PRUNE2: variants seen among roughly 807,000 people sequenced by gnomAD.
PRUNE2 encodes prune homolog 2 with BCH domain.
PRUNE2 carries 164 observed loss-of-function variants against 252.0 expected under a neutral mutation model. The ratio of observed to expected loss-of-function variants is 0.65; its 90% CI spans 0.57 to 0.74. The LOEUF is 0.74. Ranked by LOEUF, PRUNE2 falls within the 30% of genes least tolerant of loss-of-function variation. The pLI is 0.00. For synonymous variants in PRUNE2, 1,292 were observed against 1,350.2 expected (o/e 0.96, Z 0.94); for missense variants, 3,495 against 3,711.0 (o/e 0.94, Z 1.51).
chr9:76,643,252 A>G (rs1166604537), intron 12 of PRUNE2, among the ~76,000 whole-genome samples: 2 of 152,158 alleles, frequency 1.3e-5, no homozygotes, highest in Admixed American at 6.5e-5. Flanking sequence ...CTTTCAACAC[A>G]GGGACTCTGC....
intron 6 of PRUNE2, among the ~76,000 whole-genome samples, chr9:76,801,997 T>C (rs1564335638): frequency 1.3e-5 from 2 of 152,170 alleles, no homozygotes; most frequent in South Asian, 2.1e-4. Context: ...TTAAACTCTG[T>C]GGGGTAAATA....
At chr9:76,839,232 C>G (rs11999931) in intron 4 of PRUNE2, among the ~76,000 whole-genome samples, 28,143 of 151,960 alleles carry the variant, frequency 0.19, 3,350 homozygotes, top group African/African-American at 0.32. Flanking sequence ...CCTTTTATGA[C>G]AGTGTTTATC....
At position 76,742,268 on chromosome 9, in the gene PRUNE2, A is replaced by G. The variant is rs546032486; in HGVS notation, c.757-28547T>C. 1.5e-4 allele frequency among the ~76,000 whole-genome samples: 23 copies of G among 152,322 alleles called. No homozygotes were observed. In the South Asian group the frequency reaches 4.6e-3, roughly 30 times the overall value. On this transcript the variant is annotated intron_variant, in intron 6 of 18. Coordinates refer to ENST00000376718, the MANE Select transcript of PRUNE2 (RefSeq NM_015225.3). ...ACTAGGAAAATTATCTGCAGTACTT[A>G]TGATAAACAAATATTAATCCTTAAC...
chr9:76,770,667 T>C (rs1402769825), intron 6 of PRUNE2, among the ~76,000 whole-genome samples: 2 of 152,162 alleles, frequency 1.3e-5, no homozygotes, highest in African/African-American at 4.8e-5. Context: ...ATTGCAACAA[T>C]TTGCAATAAA....
Position 76,711,206 on chromosome 9 carries a change from C to G in PRUNE2, c.1068G>C (p.Arg356Ser). ...VLVVKEVINR[R>S]CPEMVSNSRT... ...GGCTATTGGAGACCATCTCTGGACA[C>G]CTCCTGTTGATGACTTCCTTGACAA... The change falls in exon 8 of 19, where the codon AGG becomes AGC. Residue 356 changes from arginine (R) to serine (S), a missense_variant. Transcript: ENST00000376718. 1 of 1,613,926 alleles carries G rather than the reference C, an allele frequency of 6.2e-7. No homozygotes were observed. Among genetic ancestry groups the G allele is most frequent in the Non-Finnish European group, 8.5e-7 (1 of 1,179,864 alleles).
At chr9:76,623,120 C>T (rs1004846247) in intron 17 of PRUNE2, among the ~76,000 whole-genome samples, 1 of 152,144 alleles carries the variant, frequency 6.6e-6, no homozygotes, top group African/African-American at 2.4e-5. Context: ...TCTGCTTTTG[C>T]AATGTCTATT....
chr9:76,756,853 C>T lies in PRUNE2; in HGVS notation c.757-43132G>A, dbSNP rs988929860. On this transcript the variant is annotated intron_variant, in intron 6 of 18. Coordinates refer to ENST00000376718, the MANE Select transcript of PRUNE2 (RefSeq NM_015225.3). ...CCCCACCCACCCTGCCCGTGCCCTG[C>T]CCCCCCGTGATACTTAAACTGCAGT... 2.7e-5 allele frequency among the ~76,000 whole-genome samples: 4 copies of T among 148,846 alleles called. No individual in the cohort carries two copies. The South Asian group carries it at 6.4e-4, about 24-fold the overall frequency.
chr9:76,705,175 T>G lies in PRUNE2; in HGVS notation c.7099A>C (p.Arg2367=). 6.2e-7 allele frequency: 1 copy of G among 1,614,014 alleles called. No individual in the cohort carries two copies. The highest frequency in any genetic ancestry group is 8.5e-7 in the Non-Finnish European group (1 of 1,179,900). Residue 2367 remains arginine (R), a synonymous_variant, in exon 8 of 19, where the codon AGA becomes CGA. Coordinates refer to ENST00000376718, the MANE Select transcript of PRUNE2 (RefSeq NM_015225.3). The part of the protein sequence containing the change: ...MGQNIDEDLL[R]EPEHFLYGGD... ...CCATACAGGAAGTGTTCAGGCTCTC[T>G]CAGTAAATCTTCATCGATATTCTGG...
chr9:76,736,270 A>G (rs1039388112), intron 6 of PRUNE2, among the ~76,000 whole-genome samples: 1 of 152,148 alleles, frequency 6.6e-6, no homozygotes, highest in Non-Finnish European at 1.5e-5. Context: ...GTGAAAAAAA[A>G]CCACATAAAG....
chr9:76,716,874 T>C (rs902611078), intron 6 of PRUNE2, among the ~76,000 whole-genome samples: 5 of 149,900 alleles, frequency 3.3e-5, no homozygotes, highest in Middle Eastern at 3.4e-3. Flanking sequence ...TGTGTTCTCA[T>C]TGTTCAACTC....
At chr9:76,757,846 G>A (rs1344146813) in intron 6 of PRUNE2, among the ~76,000 whole-genome samples, 2 of 151,904 alleles carry the variant, frequency 1.3e-5, no homozygotes, top group Non-Finnish European at 1.5e-5. Context: ...GCTGAGGCAG[G>A]AGGATCCCTG....
intron 1 of PRUNE2, among the ~76,000 whole-genome samples, chr9:76,895,019 C>T (rs1936951561): frequency 6.6e-6 from 1 of 151,610 alleles, no homozygotes; most frequent in East Asian, 1.9e-4. Flanking sequence ...AGCAAGACTC[C>T]GTCTCAAAAA....
At chr9:76,763,616 T>TCTATTTAG (rs1486680919) in intron 6 of PRUNE2, among the ~76,000 whole-genome samples, 1 of 152,168 alleles carries the variant, frequency 6.6e-6, no homozygotes, top group Non-Finnish European at 1.5e-5. Flanking sequence ...TCTGGTGTCG[T>TCTATTTAG]CTATTTAGCT....
intron 1 of PRUNE2, chr9:76,868,836 G>A (rs944624008): frequency 9.5e-6 from 1 of 104,870 alleles, no homozygotes; most frequent in Non-Finnish European, 2.0e-5. Flanking sequence ...TCCTTGGGGG[G>A]TGGGGGGGGG....
chr9:76,849,285 G>A (rs1236942318), intron 3 of PRUNE2, among the ~76,000 whole-genome samples: 1 of 152,070 alleles, frequency 6.6e-6, no homozygotes, highest in African/African-American at 2.4e-5. Flanking sequence ...AAAAGTTTGA[G>A]CTACATGAAT....
chr9:76,779,587 A>G (rs1035774318), intron 6 of PRUNE2: 3 of 152,174 alleles, frequency 2.0e-5, no homozygotes, highest in African/African-American at 7.2e-5. Context: ...TGGACTTTAT[A>G]AGGTCTTTAT....
intron 9 of PRUNE2, among the ~76,000 whole-genome samples, chr9:76,676,035 T>C (rs1588484612): frequency 6.8e-6 from 1 of 147,924 alleles, no homozygotes; most frequent in South Asian, 2.2e-4. Context: ...CTGCACAATG[T>C]GCACATGTAC....
chr9:76,828,767 G>A (rs566940036), intron 4 of PRUNE2, among the ~76,000 whole-genome samples: 1 of 152,222 alleles, frequency 6.6e-6, no homozygotes, highest in South Asian at 2.1e-4. Context: ...TGTAATCCCA[G>A]CACTTTGGGA....
chr9:76,832,310 T>G (rs1447179837), intron 4 of PRUNE2, among the ~76,000 whole-genome samples: 2 of 152,142 alleles, frequency 1.3e-5, no homozygotes, highest in African/African-American at 4.8e-5. Context: ...TGGACTATAC[T>G]TTCTTTTCTA....
Sources: allele counts gnomAD v4.1 joint callset (sites outside exome capture counted in the v4.1 genomes callset), GRCh38; gene constraint gnomAD v4.1.1; transcripts MANE v1.5; gene names NCBI Gene and HGNC (gene_info 2026-07-23, HGNC 2026-07-21).